STXBP6: variants seen among roughly 807,000 people sequenced by gnomAD.
The protein encoded by STXBP6 is syntaxin-binding protein 6.
Under a neutral mutation model 26.9 loss-of-function variants are expected in STXBP6, and 21 were observed. The ratio of observed to expected loss-of-function variants is 0.78; its 90% confidence interval spans 0.55 to 1.12. STXBP6 has a LOEUF of 1.12. Among genes scored for constraint, STXBP6 ranks in the 50% most tolerant of loss-of-function variants. The pLI is 0.00. For missense variants in STXBP6, 232 were observed against 257.9 expected (o/e 0.90, Z 0.69); for synonymous variants, 97 against 92.6 (o/e 1.05, Z -0.27).
intron 2 of STXBP6, among the ~76,000 whole-genome samples, chr14:24,912,477 G>A (rs1217396882): frequency 6.7e-6 from 1 of 148,968 alleles, no homozygotes; most frequent in Non-Finnish European, 1.5e-5. Flanking sequence ...GCAGCAACCA[G>A]TGTTTGCCAA....
chr14:24,923,257 C>A (rs2072045052), intron 2 of STXBP6, among the ~76,000 whole-genome samples: 1 of 152,008 alleles, frequency 6.6e-6, no homozygotes, highest in African/African-American at 2.4e-5. Flanking sequence ...GAAATATATC[C>A]TCCTGCAACT....
At chr14:24,893,247 G>A (rs1241607) in intron 2 of STXBP6, among the ~76,000 whole-genome samples, 100,750 of 152,156 alleles carry the variant, frequency 0.66, 33,473 homozygotes, top group East Asian at 0.76. Context: ...GCTAACACTT[G>A]GGATGTGAGT....
intron 2 of STXBP6, among the ~76,000 whole-genome samples, chr14:24,926,185 A>T (rs1449932910): frequency 6.6e-6 from 1 of 152,078 alleles, no homozygotes; most frequent in African/African-American, 2.4e-5. Context: ...GCATTATTTG[A>T]CTTCCAAGCA....
intron 2 of STXBP6, among the ~76,000 whole-genome samples, chr14:24,945,608 T>C (rs2072960670): frequency 6.6e-6 from 1 of 151,864 alleles, no homozygotes; most frequent in Admixed American, 6.6e-5. Context: ...ACACTACCCC[T>C]ACAAACAAGG....
chr14:24,949,723 C>T (rs930536946), intron 2 of STXBP6, among the ~76,000 whole-genome samples: 3 of 152,106 alleles, frequency 2.0e-5, no homozygotes, highest in African/African-American at 7.2e-5. Context: ...TTTAAGTTTA[C>T]CCTAAAAGTT....
chr14:24,963,100 GT>G (rs903653559), intron 2 of STXBP6, among the ~76,000 whole-genome samples: 1 of 152,138 alleles, frequency 6.6e-6, no homozygotes, highest in African/African-American at 2.4e-5. Flanking sequence ...TTTTCCCATT[GT>G]TTTTTTCCCC....
At chr14:24,995,430 A>G (rs891993370) in intron 1 of STXBP6, among the ~76,000 whole-genome samples, 1 of 145,942 alleles carries the variant, frequency 6.9e-6, no homozygotes, top group Non-Finnish European at 1.5e-5. Flanking sequence ...GCTCAATAAT[A>G]GTTTTTTTTT....
At chr14:25,009,082 A>C (rs1288613462) in intron 1 of STXBP6, among the ~76,000 whole-genome samples, 16 of 152,218 alleles carry the variant, frequency 1.1e-4, no homozygotes, top group Admixed American at 1.0e-3. Context: ...GCAAAATAAA[A>C]AGGATGGATG....
chr14:24,985,657 G>A (rs189154177), intron 1 of STXBP6, among the ~76,000 whole-genome samples: 2 of 152,292 alleles, frequency 1.3e-5, no homozygotes, highest in East Asian at 3.9e-4. Flanking sequence ...CAAAGGCTCT[G>A]CAAGAAGAAT....
At chr14:24,907,079 A>C (rs1032616978) in intron 2 of STXBP6, among the ~76,000 whole-genome samples, 1 of 152,162 alleles carries the variant, frequency 6.6e-6, no homozygotes, top group African/African-American at 2.4e-5. Context: ...TACAGTTGGA[A>C]GGAATATGTT....
chr14:24,858,757 C>A (rs1025247127), intron 2 of STXBP6, among the ~76,000 whole-genome samples: 6 of 151,990 alleles, frequency 3.9e-5, no homozygotes, highest in African/African-American at 1.4e-4. Context: ...ATGGCTGTGA[C>A]CTGCTCTTAC....
rs2075779130 is a variant in STXBP6, at chr14:25,049,841, C to T, written c.-33+37G>A. ...AACCGCATCTCCCGGGCTTGGCCTC[C>T]GCCCTGACCGCCTGGCTCCCCTCGC... On this transcript the variant is annotated intron_variant, in intron 1 of 5. Coordinates refer to ENST00000323944, the MANE Select transcript of STXBP6 (RefSeq NM_001394410.1). The surrounding 1 kb of genome is among the most constrained non-coding windows in gnomAD (Gnocchi z 5.6). The T allele has an allele frequency of 2.0e-6, 2 of 985,514 alleles. No individual in the cohort carries two copies. The highest frequency in any genetic ancestry group is 3.5e-5 in the African/African-American group (2 of 57,242). 61.0% of individuals were successfully genotyped at this position (985,514 alleles called of 1,614,324 possible).
chr14:25,036,590 CA>C (rs1405198466), intron 1 of STXBP6, among the ~76,000 whole-genome samples: 5 of 152,138 alleles, frequency 3.3e-5, no homozygotes, highest in African/African-American at 1.2e-4. Flanking sequence ...CACGGTGGCT[CA>C]CGCCTGTAAT....
At chr14:24,854,304 C>T (rs1388297455) in intron 4 of STXBP6, among the ~76,000 whole-genome samples, 2 of 152,032 alleles carry the variant, frequency 1.3e-5, no homozygotes. Context: ...CATTTCCATT[C>T]TGAGGAAGTG....
At position 24,974,759 on chromosome 14, in the gene STXBP6, C is replaced by T; in HGVS notation, c.60G>A (p.Leu20=). ...EIFAPLDERM[L]GAVQVKRRTK... The stretch of plus-strand genomic sequence containing the variant: ...TCCTCCTCTTGACTTGGACAGCTCC[C>T]AGCATCCTTTCATCAAGAGGTGCAA... The change falls in exon 2 of 6, where the codon CTG becomes CTA. Residue 20 remains leucine, a synonymous_variant. Transcript: ENST00000323944. 1 of 1,605,262 alleles carries T rather than the reference C, an allele frequency of 6.2e-7. No individual in the cohort carries two copies. Among genetic ancestry groups the T allele is most frequent in the Non-Finnish European group, 8.5e-7 (1 of 1,174,988 alleles).
At chr14:24,941,335 G>C (rs1412958931) in intron 2 of STXBP6, among the ~76,000 whole-genome samples, 1 of 152,296 alleles carries the variant, frequency 6.6e-6, no homozygotes, top group African/African-American at 2.4e-5. Flanking sequence ...GGACACAATG[G>C]GAGTGCAGAG....
intron 1 of STXBP6, among the ~76,000 whole-genome samples, chr14:24,981,568 T>A (rs943073293): frequency 6.6e-6 from 1 of 152,148 alleles, no homozygotes; most frequent in African/African-American, 2.4e-5. Flanking sequence ...AGCCCAGATA[T>A]GTGTTTTTAT....
chr14:24,827,758 T>C (rs538238018), intron 4 of STXBP6, among the ~76,000 whole-genome samples: 4 of 152,318 alleles, frequency 2.6e-5, no homozygotes, highest in African/African-American at 9.6e-5. Context: ...TTTCTATGCT[T>C]TGCTGCTCAC....
chr14:24,976,679 A>C (rs2074052620), intron 1 of STXBP6, among the ~76,000 whole-genome samples: 1 of 152,054 alleles, frequency 6.6e-6, no homozygotes, highest in South Asian at 2.1e-4. Context: ...AGGGACTTTT[A>C]TTTATTTTTT....
Sources: gnomAD v4.1 joint callset for allele counts (sites outside exome capture counted in the v4.1 genomes callset) on GRCh38, gnomAD v4.1.1 for gene constraint, Gnocchi (gnomAD v3.1) non-coding constraint, MANE v1.5 for transcripts, NCBI Gene and HGNC (gene_info 2026-07-23, HGNC 2026-07-21) for gene names.